Variants in COL9A1 observed in about 807,000 individuals in gnomAD.
COL9A1 encodes the protein collagen alpha-1(IX) chain.
A neutral mutation model predicts 142.6 loss-of-function variants in COL9A1; 104 were observed. The ratio of observed to expected loss-of-function variants is 0.73; its 90% CI spans 0.62 to 0.86. The LOEUF (loss-of-function observed/expected upper bound fraction) is 0.86. Ranked by LOEUF, COL9A1 falls within the 40% of genes least tolerant of loss-of-function variation. COL9A1 has a pLI of 0.00. For synonymous variants in COL9A1, 466 were observed against 396.0 expected, an observed-to-expected ratio of 1.18 and a Z score of -2.10; for missense variants, 1,210 against 1,176.6, an observed-to-expected ratio of 1.03 and a Z score of -0.42.
chr6:70,292,336 C>G (rs113894502), intron 5 of COL9A1, among the ~76,000 whole-genome samples: 163 of 152,228 alleles, frequency 1.1e-3, no homozygotes, highest in African/African-American at 3.2e-3. Context: ...ATGATGATTT[C>G]AAATATTTTT....
chr6:70,278,327 T>C (rs966010435), intron 10 of COL9A1, among the ~76,000 whole-genome samples: 4 of 152,184 alleles, frequency 2.6e-5, no homozygotes, highest in Non-Finnish European at 4.4e-5. Context: ...AATCAAGAAA[T>C]CTGGACTATT....
intron 5 of COL9A1, among the ~76,000 whole-genome samples, chr6:70,286,793 G>A (rs1337611712): frequency 6.6e-6 from 1 of 152,176 alleles, no homozygotes; most frequent in Non-Finnish European, 1.5e-5. Flanking sequence ...TAGTGCTAGG[G>A]ATGTAGGCAG....
intron 10 of COL9A1, chr6:70,275,309 CT>C (rs1480733500): frequency 2.0e-5 from 3 of 152,990 alleles, no homozygotes; most frequent in African/African-American, 4.8e-5. Flanking sequence ...TAACAGCCCC[CT>C]AGCCATCTTC....
At position 70,283,774 on chromosome 6, in the gene COL9A1, C is replaced by T; in HGVS notation, c.743G>A (p.Arg248Lys). 1 of 1,611,956 alleles carries T rather than the reference C, an allele frequency of 6.2e-7. No homozygotes were observed. Among genetic ancestry groups the T allele is most frequent in the Non-Finnish European group, 8.5e-7 (1 of 1,179,184 alleles). The change falls in exon 6 of 38, where the codon AGG becomes AAG. Residue 248 changes from arginine (R) to lysine (K), a missense_variant. Coordinates refer to ENST00000357250, the MANE Select transcript of COL9A1 (RefSeq NM_001851.6). ...MLIHCDPLRP[R>K]RETCHELPAR... The stretch of plus-strand genomic sequence containing the variant: ...TGGCAGCTCATGGCAAGTTTCTCTC[C>T]TGGGCCGCAGGGGGTCACAATGGAT...
intron 28 of COL9A1, among the ~76,000 whole-genome samples, chr6:70,248,169 A>G (rs929026260): frequency 3.0e-4 from 45 of 152,294 alleles, no homozygotes; most frequent in African/African-American, 1.1e-3. Context: ...GGTAGGACCA[A>G]ATGAAAAGCC....
At chr6:70,236,497 A>T (rs910133919) in intron 33 of COL9A1, among the ~76,000 whole-genome samples, 1 of 152,228 alleles carries the variant, frequency 6.6e-6, no homozygotes, top group African/African-American at 2.4e-5. Flanking sequence ...AATGTTTATA[A>T]AGCAATTTAA....
chr6:70,278,912 T>A (rs1772935157), intron 10 of COL9A1, among the ~76,000 whole-genome samples: 1 of 152,160 alleles, frequency 6.6e-6, no homozygotes, highest in Non-Finnish European at 1.5e-5. Flanking sequence ...AGAGAAGAAT[T>A]TGTTGAGTAA....
chr6:70,234,175 T>C (rs1400137068), intron 35 of COL9A1, among the ~76,000 whole-genome samples: 1 of 151,926 alleles, frequency 6.6e-6, no homozygotes, highest in Non-Finnish European at 1.5e-5. Context: ...AGGTACACAC[T>C]AAGTGGTAGG....
intron 5 of COL9A1, 143 bp downstream of exon 5, chr6:70,294,024 G>C: frequency 2.6e-6 from 3 of 1,133,172 alleles, no homozygotes; most frequent in Non-Finnish European, 3.9e-6. Flanking sequence ...CTCAAGACCA[G>C]AAGCTATCTA....
rs187234182 is a variant in COL9A1, at chr6:70,226,155, C to A, written c.2504-146G>T. The A allele has an allele frequency of 3.3e-3, 2,247 of 675,970 alleles. 3 individuals are homozygous for A. The highest frequency in any genetic ancestry group is 6.5e-3 in the Middle Eastern group (17 of 2,602). 41.9% of individuals were successfully genotyped at this position (675,970 alleles called of 1,614,324 possible). On this transcript the variant is annotated intron_variant, in intron 36 of 37. Coordinates refer to ENST00000357250, the MANE Select transcript of COL9A1 (RefSeq NM_001851.6). ...AGATTGTAGTGAGTATGTAGCAAGG[C>A]AAAAATCAAGTTCATCTATTAATAG...
intron 37 of COL9A1, 135 bp downstream of exon 37, chr6:70,225,797 T>A: frequency 1.4e-6 from 1 of 735,290 alleles, no homozygotes; most frequent in Non-Finnish European, 2.4e-6. Flanking sequence ...TCTTGAAAAA[T>A]CTATGCTAGC....
In COL9A1 at chr6:70,268,820, C is replaced by G; in HGVS notation, c.1271G>C (p.Gly424Ala). The change falls in exon 17 of 38, where the codon GGC (glycine) becomes GCC (alanine). Residue 424 changes from glycine to alanine, a missense_variant. Physicochemically the swap from Gly to Ala is moderately conservative, Grantham distance 60. Transcript: ENST00000357250. ...ACPPGRSGYP[G>A]LPGMRGHKGA... ...TTCTCTTACCCTCATGCCTGGTAGG[C>G]CTGGATATCCTGAGCGACCTGGTGG... 3 of 1,613,824 alleles carry G rather than the reference C, an allele frequency of 1.9e-6. No individual in the cohort carries two copies. The highest frequency in any genetic ancestry group is 2.5e-6 in the Non-Finnish European group (3 of 1,179,828).
At position 70,242,669 on chromosome 6, in the gene COL9A1, C is replaced by G. The variant is rs1463861735; in HGVS notation, c.1919G>C (p.Gly640Ala). ...LGPVGSPGLP[G>A]KLGSLGSPGL... ...CGAAACTTTTCTACTTACCAGTTTA[C>G]CTGGTAGGCCTGGGGATCCCACTGG... The change falls in exon 29 of 38, where the codon GGT becomes GCT. Residue 640 changes from glycine to alanine, a missense_variant. Transcript: ENST00000357250. 1 of 1,613,568 alleles carries G rather than the reference C, an allele frequency of 6.2e-7. No homozygotes were observed. Among genetic ancestry groups the G allele is most frequent in the Non-Finnish European group, 8.5e-7 (1 of 1,179,588 alleles).
intron 4 of COL9A1, 64 bp downstream of exon 4, chr6:70,299,979 A>G: frequency 6.9e-7 from 1 of 1,455,688 alleles, no homozygotes; most frequent in Non-Finnish European, 9.6e-7. Flanking sequence ...CTAACATTGG[A>G]TAGCTATCCA....
rs746183818 is a variant in COL9A1, at chr6:70,254,477, G to A, written c.1718C>T (p.Pro573Leu). The change falls in exon 25 of 38, where the codon CCA (proline) becomes CTA (leucine). Residue 573 changes from proline (P) to leucine (L), a missense_variant and splice_region_variant. Transcript: ENST00000357250. ...PPGDAGLQGL[P>L]GVPGIPGAKG... ...ACATGTAAAGAATCAAATACTTACTGGTAACCCCTGCAATCCTGCATCACC... is the reference window on the plus strand; with the variant it reads ...ACATGTAAAGAATCAAATACTTACTAGTAACCCCTGCAATCCTGCATCACC... The A allele has an allele frequency of 2.7e-5, 43 of 1,613,776 alleles. No individual in the cohort carries two copies. The Admixed American group carries it at 3.0e-4, about 11-fold the overall frequency.
At chr6:70,282,822 G>T (rs1773248175) in intron 7 of COL9A1, 76 bp downstream of exon 7, 8 of 1,607,932 alleles carry the variant, frequency 5.0e-6, no homozygotes, top group Non-Finnish European at 6.8e-6. Context: ...CTTTCTCACA[G>T]CTCCCTCGAC....
intron 20 of COL9A1, among the ~76,000 whole-genome samples, chr6:70,257,601 G>A (rs1388723209): frequency 6.6e-6 from 1 of 152,064 alleles, no homozygotes; most frequent in Non-Finnish European, 1.5e-5. Flanking sequence ...ACAAAAATTA[G>A]CCGGGTCTGT....
rs532687542 is a variant in COL9A1, at chr6:70,258,846, C to T, written c.1449+1811G>A. Reference sequence around the variant, plus strand: ...AATGGAAAAATATCTCAAATGAAGACCATATCAAGAACAGTAATTGGTTTC... The same window carrying T: ...AATGGAAAAATATCTCAAATGAAGATCATATCAAGAACAGTAATTGGTTTC... On this transcript the variant is annotated intron_variant, in intron 20 of 37. Transcript: ENST00000357250. 5.3e-5 allele frequency among the ~76,000 whole-genome samples: 8 copies of T among 151,978 alleles called. No homozygotes were observed. The East Asian group carries it at 1.5e-3, about 29-fold the overall frequency.
chr6:70,291,228 C>A (rs528275063), intron 5 of COL9A1, among the ~76,000 whole-genome samples: 6 of 152,202 alleles, frequency 3.9e-5, no homozygotes, highest in African/African-American at 1.4e-4. Context: ...AAATGAGGAA[C>A]AAAATGGGAA....
Sources: allele counts gnomAD v4.1 joint callset (sites outside exome capture counted in the v4.1 genomes callset), GRCh38; gene constraint gnomAD v4.1.1; transcripts MANE v1.5; gene names NCBI Gene and HGNC (gene_info 2026-07-23, HGNC 2026-07-21).